Variants in DNAJC3 observed in about 807,000 individuals in gnomAD.
The protein encoded by DNAJC3 is dnaJ homolog subfamily C member 3.
In DNAJC3, 38 loss-of-function variants were observed where a neutral mutation model predicts 68.6. That is an observed-to-expected ratio of 0.55 (90% CI 0.43 to 0.73). The LOEUF is 0.73. DNAJC3 is among the 30% of genes least tolerant of loss of function. The probability of loss-of-function intolerance (pLI) is 0.00; values close to 1 mark genes in which losing one functional copy is unlikely to be tolerated. For missense variants in DNAJC3, 526 were observed against 591.9 expected (o/e 0.89, Z 1.16); for synonymous variants, 203 against 204.0 (o/e 1.00, Z 0.04).
At chr13:95,786,306 A>C (rs1883600243) in intron 10 of DNAJC3, among the ~76,000 whole-genome samples, 1 of 152,176 alleles carries the variant, frequency 6.6e-6, no homozygotes, top group Non-Finnish European at 1.5e-5. Flanking sequence ...CAAAGATGAC[A>C]CTGTAGCATG....
chr13:95,786,129 A>G, intron 10 of DNAJC3, 58 bp downstream of exon 10: 1 of 1,476,806 alleles, frequency 6.8e-7, no homozygotes, highest in Non-Finnish European at 9.1e-7. Context: ...TTTCAAAGCT[A>G]ATCATTGCTC....
intron 9 of DNAJC3, among the ~76,000 whole-genome samples, chr13:95,772,060 A>G (rs1477440790): frequency 1.3e-5 from 2 of 152,222 alleles, no homozygotes; most frequent in African/African-American, 4.8e-5. Context: ...CTCTGTTGCA[A>G]CTACTCAGCT....
At chr13:95,727,753 G>T (rs929071695) in intron 4 of DNAJC3, among the ~76,000 whole-genome samples, 1 of 152,132 alleles carries the variant, frequency 6.6e-6, no homozygotes, top group Non-Finnish European at 1.5e-5. Flanking sequence ...AATTTTAGTA[G>T]TATTCATTTC....
chr13:95,790,914 G>A lies in DNAJC3; in HGVS notation c.1399G>A (p.Ala467Thr), dbSNP rs762207068. The A allele has an allele frequency of 2.2e-5, 35 of 1,606,694 alleles. No individual in the cohort carries two copies. In the Admixed American group the frequency reaches 5.0e-4, roughly 23 times the overall value. ...TGACGACGGAGAAGATCCTTTGGAT[G>A]CAGAGAGCCAGCAAGGAGGCGGCGG... is the stretch of plus-strand genomic sequence containing the variant. ...KFDDGEDPLD[A>T]ESQQGGGGNP... The change falls in exon 12 of 12, where the codon GCA (alanine) becomes ACA (threonine). Residue 467 changes from alanine to threonine, a missense_variant. Physicochemically the swap from Ala to Thr is moderately conservative, Grantham distance 58. Coordinates refer to ENST00000602402, the MANE Select transcript of DNAJC3 (RefSeq NM_006260.5).
intron 1 of DNAJC3, among the ~76,000 whole-genome samples, chr13:95,708,626 T>C (rs1212891297): frequency 6.6e-6 from 1 of 152,162 alleles, no homozygotes; most frequent in Non-Finnish European, 1.5e-5. Flanking sequence ...GGCCTGCCCT[T>C]TACGCGCTTA....
intron 4 of DNAJC3, among the ~76,000 whole-genome samples, chr13:95,747,324 T>C (rs1333891488): frequency 2.0e-5 from 3 of 152,196 alleles, no homozygotes; most frequent in African/African-American, 7.2e-5. Context: ...CTAACTTAAC[T>C]GGGGGAGGAA....
At chr13:95,712,369 T>G (rs963278660) in intron 2 of DNAJC3, among the ~76,000 whole-genome samples, 4 of 120,748 alleles carry the variant, frequency 3.3e-5, no homozygotes, top group Non-Finnish European at 7.1e-5. Context: ...AGCCAATGCT[T>G]TTTTCTTTTT....
intron 2 of DNAJC3, among the ~76,000 whole-genome samples, chr13:95,710,203 G>A (rs1236592169): frequency 2.0e-5 from 3 of 151,118 alleles, no homozygotes; most frequent in Non-Finnish European, 4.4e-5. Flanking sequence ...TCTTAGTGAA[G>A]GCTTAATGGA....
At chr13:95,734,023 A>G (rs1460358212) in intron 4 of DNAJC3, among the ~76,000 whole-genome samples, 2 of 151,902 alleles carry the variant, frequency 1.3e-5, no homozygotes, top group African/African-American at 2.4e-5. Flanking sequence ...GATGTTTTGT[A>G]TATCCTTTGT....
chr13:95,742,967 T>C (rs1882194740), intron 4 of DNAJC3: 1 of 429,200 alleles, frequency 2.3e-6, no homozygotes, highest in Non-Finnish European at 4.6e-6. Flanking sequence ...TGGTATGAGG[T>C]TTAGGTCGAA....
chr13:95,751,673 G>T (rs1407994985), intron 4 of DNAJC3, among the ~76,000 whole-genome samples: 1 of 152,178 alleles, frequency 6.6e-6, no homozygotes, highest in East Asian at 1.9e-4. Flanking sequence ...ATTTTTGAAG[G>T]TATCTGTTTT....
rs1357719109 is a variant in DNAJC3 at position 95,791,136 on chromosome 13, A to G, written c.*106A>G. 21 of 1,342,442 alleles carry G rather than the reference A, an allele frequency of 1.6e-5. No homozygotes were observed. Among genetic ancestry groups the G allele is most frequent in the Non-Finnish European group, 1.9e-5 (18 of 972,124 alleles). The allele number at this position is 1,342,442 out of a possible 1,614,324, so 83.2% of individuals were successfully genotyped here. ...AATTTCAAATCTTTTCAGTTTGTCCATGACCAAAGAGTTGCTTTAATAGGA... is the reference window on the plus strand; with the variant it reads ...AATTTCAAATCTTTTCAGTTTGTCCGTGACCAAAGAGTTGCTTTAATAGGA... On this transcript the variant is annotated 3_prime_UTR_variant, in exon 12 of 12. Coordinates refer to ENST00000602402, the MANE Select transcript of DNAJC3 (RefSeq NM_006260.5).
chr13:95,751,731 T>C (rs1300703031), intron 4 of DNAJC3, among the ~76,000 whole-genome samples: 1 of 152,230 alleles, frequency 6.6e-6, no homozygotes, highest in Non-Finnish European at 1.5e-5. Context: ...GTTCTCATGC[T>C]GCTAATAAAG....
chr13:95,757,774 C>T lies in DNAJC3; in HGVS notation c.524C>T (p.Ala175Val), dbSNP rs1594009693. ...FGSGDYTAAI[A>V]FLDKILEVCV... ...AGTGGAGATTATACTGCTGCTATAG[C>T]CTTCCTTGATAAGATTTTAGAGGTA... The change falls in exon 5 of 12, where the codon GCC becomes GTC. Residue 175 changes from alanine (A) to valine (V), a missense_variant. Coordinates refer to ENST00000602402, the MANE Select transcript of DNAJC3 (RefSeq NM_006260.5). The T allele has an allele frequency of 1.3e-6, 2 of 1,549,030 alleles. No individual in the cohort carries two copies. The highest frequency in any genetic ancestry group is 1.7e-4 in the Middle Eastern group (1 of 5,804).
At chr13:95,774,768 A>T (rs1883251713) in intron 9 of DNAJC3, among the ~76,000 whole-genome samples, 1 of 152,158 alleles carries the variant, frequency 6.6e-6, no homozygotes, top group South Asian at 2.1e-4. Flanking sequence ...TTGAAGTTTT[A>T]TATGATATTA....
intron 4 of DNAJC3, among the ~76,000 whole-genome samples, chr13:95,728,983 G>A (rs1466482575): frequency 1.3e-5 from 2 of 151,448 alleles, no homozygotes; most frequent in African/African-American, 2.4e-5. Flanking sequence ...TGTCTATCAT[G>A]TCTGTCATCC....
At chr13:95,751,228 C>T (rs1882470741) in intron 4 of DNAJC3, among the ~76,000 whole-genome samples, 1 of 152,082 alleles carries the variant, frequency 6.6e-6, no homozygotes, top group Non-Finnish European at 1.5e-5. Flanking sequence ...AGAGGGAGAC[C>T]CTGTCTAATT....
chr13:95,789,279 G>A (rs1210721481), intron 11 of DNAJC3, among the ~76,000 whole-genome samples: 2 of 152,208 alleles, frequency 1.3e-5, no homozygotes, highest in South Asian at 4.1e-4. Flanking sequence ...GAACCCATTA[G>A]TTATTATTCC....
intron 1 of DNAJC3, among the ~76,000 whole-genome samples, chr13:95,689,173 G>A (rs1244123121): frequency 3.3e-5 from 5 of 149,602 alleles, no homozygotes; most frequent in Non-Finnish European, 7.4e-5. Context: ...AGTAAGATTG[G>A]TAACCAGCTC....
Sources: gnomAD v4.1 joint callset for allele counts (sites outside exome capture counted in the v4.1 genomes callset) on GRCh38, gnomAD v4.1.1 for gene constraint, MANE v1.5 for transcripts, NCBI Gene and HGNC (gene_info 2026-07-23, HGNC 2026-07-21) for gene names.